FAT1: variants seen among roughly 807,000 people sequenced by gnomAD.
The protein encoded by FAT1 is protocadherin Fat 1.
FAT1 carries 171 observed loss-of-function variants against 329.8 expected under a neutral mutation model. That is an observed-to-expected ratio of 0.52 (90% confidence interval 0.46 to 0.59). The LOEUF (loss-of-function observed/expected upper bound fraction) is 0.59, where lower values mean the gene tolerates loss of function less well. FAT1 is among the 20% of genes least tolerant of loss of function. FAT1 has a pLI of 0.00. For missense variants in FAT1, 5,672 were observed against 5,774.4 expected (o/e 0.98, Z 0.57); for synonymous variants, 2,233 against 2,228.6 (o/e 1.00, Z -0.06).
intron 4 of FAT1, among the ~76,000 whole-genome samples, chr4:186,639,432 T>C (rs1740992264): frequency 6.6e-6 from 1 of 152,168 alleles, no homozygotes; most frequent in Non-Finnish European, 1.5e-5. Context: ...CATGACACTG[T>C]TTATAGATCT....
chr4:186,704,744 T>C (rs1266801009), intron 2 of FAT1, among the ~76,000 whole-genome samples: 1 of 152,182 alleles, frequency 6.6e-6, no homozygotes, highest in Admixed American at 6.5e-5. Context: ...AAAAAAGACA[T>C]TCTACTCTTC....
chr4:186,716,986 C>T lies in FAT1; in HGVS notation c.-19+6678G>A, dbSNP rs188068762. 2.6e-4 allele frequency among the ~76,000 whole-genome samples: 39 copies of T among 152,172 alleles called. No homozygotes were observed. The East Asian group carries it at 5.6e-3, about 22-fold the overall frequency. On this transcript the variant is annotated intron_variant, in intron 1 of 26. Coordinates refer to ENST00000441802, the MANE Select transcript of FAT1 (RefSeq NM_005245.4). ...TTAGTAGAGACGGCCAGGCTAATCT[C>T]GAATTCCTGGCTGCAAGTCATCCAC...
Position 186,708,295 on chromosome 4 carries a change from C to T in FAT1, c.1533G>A (p.Ala511=), listed in dbSNP as rs370872618. The change falls in exon 2 of 27, where the codon GCG becomes GCA. Residue 511 remains alanine, a synonymous_variant. Transcript: ENST00000441802. ...SIANLNHVPF[A]IDHFTGAVST... Reference sequence around the variant, plus strand: ...TCACGGCACCAGTGAAATGGTCAATCGCAAACGGCACATGATTTAAATTTG... The same window carrying T: ...TCACGGCACCAGTGAAATGGTCAATTGCAAACGGCACATGATTTAAATTTG... The T allele has an allele frequency of 1.9e-5, 31 of 1,613,866 alleles. No individual in the cohort carries two copies. In the African/African-American group the frequency reaches 3.3e-4, roughly 17 times the overall value.
intron 3 of FAT1, among the ~76,000 whole-genome samples, chr4:186,643,347 T>G (rs753514408): frequency 1.3e-5 from 2 of 152,158 alleles, no homozygotes; most frequent in Non-Finnish European, 2.9e-5. Context: ...CGTAAGATAT[T>G]TCAGACTGAC....
At chr4:186,629,187 T>C (rs1456757907) in intron 7 of FAT1, among the ~76,000 whole-genome samples, 3 of 152,234 alleles carry the variant, frequency 2.0e-5, no homozygotes, top group African/African-American at 7.2e-5. Context: ...GTAAGACAGA[T>C]GATTACACTA....
intron 1 of FAT1, among the ~76,000 whole-genome samples, chr4:186,719,923 TTG>T (rs1180643492): frequency 6.6e-6 from 1 of 152,234 alleles, no homozygotes; most frequent in Non-Finnish European, 1.5e-5. Flanking sequence ...TCAAACTTCT[TTG>T]TGATATTATT....
intron 2 of FAT1, among the ~76,000 whole-genome samples, chr4:186,687,400 A>AC (rs1236851532): frequency 1.5e-4 from 23 of 151,606 alleles, no homozygotes; most frequent in Admixed American, 7.2e-4. Flanking sequence ...AAACAAACAA[A>AC]AAAAAAGAAC....
intron 6 of FAT1, among the ~76,000 whole-genome samples, chr4:186,634,626 G>A (rs557639894): frequency 7.2e-5 from 11 of 151,822 alleles, no homozygotes; most frequent in South Asian, 2.1e-4. Context: ...AAAAAACAGC[G>A]ATGGAAGATA....
rs1460408019 is a variant in FAT1 at position 186,709,494 on chromosome 4, C to T, written c.334G>A (p.Val112Met). ...GGNTAILNRE[V>M]KDHYTLIVKA... ...ACTATCAATGTGTAGTGATCCTTCA[C>T]TTCTCTATTAAGAATAGCTGTATTT... The change falls in exon 2 of 27, where the codon GTG (valine) becomes ATG (methionine). Residue 112 changes from valine (V) to methionine (M), a missense_variant. Around this residue, in one of 2 missense-constraint regions of FAT1, gnomAD observed 3,966 missense variants for 3,915.2 expected, o/e 1.01. Coordinates refer to ENST00000441802, the MANE Select transcript of FAT1 (RefSeq NM_005245.4). 1 of 1,613,870 alleles carries T rather than the reference C, an allele frequency of 6.2e-7. No homozygotes were observed. Among genetic ancestry groups the T allele is most frequent in the Non-Finnish European group, 8.5e-7 (1 of 1,179,902 alleles).
chr4:186,656,625 T>C (rs1477345833), intron 3 of FAT1, among the ~76,000 whole-genome samples: 1 of 152,136 alleles, frequency 6.6e-6, no homozygotes, highest in African/African-American at 2.4e-5. Context: ...TGATGATGAA[T>C]GGTACCTGGG....
At chr4:186,628,110 TAAC>T (rs1740404577) in intron 9 of FAT1, 41 bp downstream of exon 9, 2 of 1,582,780 alleles carry the variant, frequency 1.3e-6, no homozygotes, top group African/African-American at 2.7e-5. Flanking sequence ...AACAGACTTT[TAAC>T]AACTGCAAAT....
At chr4:186,606,039 C>T (rs771044467) in intron 17 of FAT1, 31 bp downstream of exon 17, 56 of 1,604,900 alleles carry the variant, frequency 3.5e-5, no homozygotes, top group Non-Finnish European at 3.2e-5. Context: ...TTTCAAAGAA[C>T]CCCAGGACCA....
In FAT1 at chr4:186,621,132, T is replaced by C. The variant is rs762587815; in HGVS notation, c.5454A>G (p.Thr1818=). ...CAGTGCTAGAATCAATAGCAAAATA[T>C]GTGTGTACAGATGGTTCAACAATGT... is the stretch of plus-strand genomic sequence containing the variant. ...VYHIVEPSVH[T]YFAIDSSTGA... The change falls in exon 10 of 27, where the codon ACA becomes ACG. Residue 1818 remains threonine, a synonymous_variant. Coordinates refer to ENST00000441802, the MANE Select transcript of FAT1 (RefSeq NM_005245.4). 1.9e-6 allele frequency: 3 copies of C among 1,613,796 alleles called. No homozygotes were observed. Among genetic ancestry groups the C allele is most frequent in the Admixed American group, 1.7e-5 (1 of 60,010 alleles).
chr4:186,651,668 G>A lies in FAT1; in HGVS notation c.3580+11631C>T, dbSNP rs143659062. On this transcript the variant is annotated intron_variant, in intron 3 of 26. Coordinates refer to ENST00000441802, the MANE Select transcript of FAT1 (RefSeq NM_005245.4). ...GAGCCGACAAGCCGACTAGTCCACC[G>A]GCAGGGAGGCGTCACGTCCTCCGCT... Among the ~76,000 whole-genome samples, 440 of 152,238 alleles carry A rather than the reference G, an allele frequency of 2.9e-3. 3 individuals carry two copies. The highest frequency in any genetic ancestry group is 9.7e-3 in the African/African-American group (404 of 41,534).
At chr4:186,621,803 A>C in intron 9 of FAT1, 28 bp from the exon 10 acceptor site, 6 of 1,403,328 alleles carry the variant, frequency 4.3e-6, no homozygotes, top group Non-Finnish European at 5.7e-6. Flanking sequence ...AATACATGTT[A>C]CAGAAAAACA....
Position 186,600,371 on chromosome 4 carries a change from A to T in FAT1, c.11641-11T>A, listed in dbSNP as rs1228734570. 7 of 1,597,962 alleles carry T rather than the reference A, an allele frequency of 4.4e-6. No homozygotes were observed. The South Asian group carries it at 7.9e-5, about 18-fold the overall frequency. ...CCTTCCATGATGAATCTAGGATAAA[A>T]GCAATGACTGTTCACATTACTCTCA... is the stretch of plus-strand genomic sequence containing the variant. On this transcript the variant is annotated splice_polypyrimidine_tract_variant and intron_variant, in intron 21 of 26. Coordinates refer to ENST00000441802, the MANE Select transcript of FAT1 (RefSeq NM_005245.4).
intron 1 of FAT1, among the ~76,000 whole-genome samples, chr4:186,720,456 ACAC>A (rs1474475956): frequency 2.0e-5 from 3 of 152,172 alleles, no homozygotes; most frequent in African/African-American, 7.2e-5. Context: ...TCCACTCATC[ACAC>A]CACAAGCCAC....
chr4:186,615,229 A>AGT (rs1739656316), intron 11 of FAT1, among the ~76,000 whole-genome samples: 1 of 152,148 alleles, frequency 6.6e-6, no homozygotes, highest in Admixed American at 6.5e-5. Flanking sequence ...AGAGAGAGAG[A>AGT]ATGTCGCACC....
intron 2 of FAT1, among the ~76,000 whole-genome samples, chr4:186,701,894 C>T (rs1744333707): frequency 6.6e-6 from 1 of 152,244 alleles, no homozygotes; most frequent in Non-Finnish European, 1.5e-5. Flanking sequence ...GCCGGAATTC[C>T]GTTCCGTTCC....
Sources: gnomAD v4.1 joint callset for allele counts (sites outside exome capture counted in the v4.1 genomes callset) on GRCh38, gnomAD v4.1.1 for gene constraint, gnomAD v4.1.1 regional missense constraint, MANE v1.5 for transcripts, NCBI Gene and HGNC (gene_info 2026-07-23, HGNC 2026-07-21) for gene names.